Variants in PLSCR2 observed in about 807,000 individuals in gnomAD.
The protein encoded by PLSCR2 is phospholipid scramblase 2.
PLSCR2 carries 18 observed loss-of-function variants against 25.3 expected under a neutral mutation model. The observed-to-expected ratio is 0.71, with a 90% confidence interval of 0.49 to 1.06. PLSCR2 has a LOEUF of 1.06. PLSCR2 is among the 50% of genes least tolerant of loss of function. PLSCR2 has a pLI of 0.00. For synonymous variants in PLSCR2, 88 were observed against 87.3 expected (o/e 1.01, Z -0.04); for missense variants, 243 against 269.5 (o/e 0.90, Z 0.69).
At chr3:146,474,562 A>G (rs954847305) in intron 1 of PLSCR2, among the ~76,000 whole-genome samples, 1 of 152,010 alleles carries the variant, frequency 6.6e-6, no homozygotes, top group Non-Finnish European at 1.5e-5. Context: ...GGTTGCCCTT[A>G]GTAGTTTTTC....
At chr3:146,391,723 C>A (rs2038088155) in intron 3 of PLSCR2, among the ~76,000 whole-genome samples, 1 of 152,152 alleles carries the variant, frequency 6.6e-6, no homozygotes, top group Non-Finnish European at 1.5e-5. Flanking sequence ...CCATGAGGAA[C>A]CAACTTGCAA....
chr3:146,392,861 T>C (rs896452976), intron 3 of PLSCR2, among the ~76,000 whole-genome samples: 9 of 150,382 alleles, frequency 6.0e-5, no homozygotes, highest in East Asian at 5.8e-4. Context: ...TTTTTTTTTT[T>C]CCTAACTTTA....
At chr3:146,467,049 TTAAC>T (rs780362850) in intron 1 of PLSCR2, among the ~76,000 whole-genome samples, 11 of 152,196 alleles carry the variant, frequency 7.2e-5, no homozygotes, top group South Asian at 4.1e-4. Context: ...TTACTACTGA[TTAAC>T]TAAAGTGCTT....
chr3:146,424,002 T>C (rs191938107), intron 2 of PLSCR2, among the ~76,000 whole-genome samples: 2 of 152,162 alleles, frequency 1.3e-5, no homozygotes, highest in Admixed American at 6.6e-5. Flanking sequence ...GATCTGGATG[T>C]TGGAAGTTCA....
intron 8 of PLSCR2, among the ~76,000 whole-genome samples, 156 bp from the exon 8 acceptor site, chr3:146,433,673 C>T (rs941885221): frequency 1.3e-5 from 2 of 152,276 alleles, no homozygotes; most frequent in Middle Eastern, 3.4e-3. Context: ...CATACAAATA[C>T]CTCCACTTGA....
At chr3:146,478,575 C>A (rs747260743) in intron 1 of PLSCR2, among the ~76,000 whole-genome samples, 5 of 152,038 alleles carry the variant, frequency 3.3e-5, no homozygotes, top group Non-Finnish European at 5.9e-5. Context: ...AAAAAGCCTC[C>A]AAGAAATATG....
At chr3:146,493,718 A>G (rs970533661) in intron 1 of PLSCR2, among the ~76,000 whole-genome samples, 1 of 147,364 alleles carries the variant, frequency 6.8e-6, no homozygotes, top group African/African-American at 2.5e-5. Flanking sequence ...TATTCTGTTT[A>G]TAGCATTTCG....
intron 8 of PLSCR2, among the ~76,000 whole-genome samples, chr3:146,434,648 T>C (rs568798109): frequency 6.6e-6 from 1 of 152,122 alleles, no homozygotes; most frequent in East Asian, 1.9e-4. Context: ...TAAGAACAAA[T>C]GGAAACAAAT....
chr3:146,440,540 G>A (rs748224791), downstream of PLSCR2, among the ~76,000 whole-genome samples: 4 of 152,188 alleles, frequency 2.6e-5, no homozygotes, highest in African/African-American at 4.8e-5. Flanking sequence ...TGCTAGCAGC[G>A]AGCGAGGCTC....
chr3:146,483,009 G>T (rs774282574), intron 1 of PLSCR2, among the ~76,000 whole-genome samples: 17 of 151,724 alleles, frequency 1.1e-4, no homozygotes, highest in Non-Finnish European at 2.2e-4. Context: ...TGGAAGTTCT[G>T]GCCAGGGCAA....
chr3:146,471,433 T>C (rs1035248998), intron 1 of PLSCR2, among the ~76,000 whole-genome samples: 1 of 152,220 alleles, frequency 6.6e-6, no homozygotes, highest in African/African-American at 2.4e-5. Context: ...CTAATTATTT[T>C]ACAGTTTTAT....
At chr3:146,484,550 G>T (rs184721069) in intron 1 of PLSCR2, among the ~76,000 whole-genome samples, 191 of 152,204 alleles carry the variant, frequency 1.3e-3, no homozygotes, top group African/African-American at 4.4e-3. Flanking sequence ...GAAAGGCCTG[G>T]TTTCCTACAA....
intron 1 of PLSCR2, among the ~76,000 whole-genome samples, chr3:146,467,736 G>A (rs1017098499): frequency 1.3e-5 from 2 of 152,014 alleles, no homozygotes; most frequent in African/African-American, 4.8e-5. Flanking sequence ...TTTAGTTGGA[G>A]TAGTGGTGGC....
downstream of PLSCR2, among the ~76,000 whole-genome samples, chr3:146,429,444 A>G (rs185576658): frequency 1.2e-4 from 19 of 152,214 alleles, no homozygotes; most frequent in East Asian, 3.7e-3. Context: ...CCTTAGAAAA[A>G]AGAACTTAGC....
chr3:146,483,509 A>ATACATGTGTATATATATATATATATAT (rs1553791539), intron 1 of PLSCR2, among the ~76,000 whole-genome samples: 1 of 127,074 alleles, frequency 7.9e-6, no homozygotes, highest in Non-Finnish European at 1.7e-5. Context: ...ATATATATAT[A>ATACATGTGTATATATATATATATATAT]ATGTTACTAC....
downstream of PLSCR2, among the ~76,000 whole-genome samples, chr3:146,430,335 A>G (rs2039503347): frequency 6.6e-6 from 1 of 152,154 alleles, no homozygotes; most frequent in South Asian, 2.1e-4. Context: ...ACAGGGAGAA[A>G]CACAGGGCTT....
intron 3 of PLSCR2, among the ~76,000 whole-genome samples, chr3:146,394,543 G>C (rs901027314): frequency 6.6e-6 from 1 of 152,126 alleles, no homozygotes; most frequent in Admixed American, 6.5e-5. Context: ...TGGGATTAAA[G>C]GTGTCAGCCA....
chr3:146,489,448 G>A (rs1166669378), intron 1 of PLSCR2, among the ~76,000 whole-genome samples: 1 of 152,238 alleles, frequency 6.6e-6, no homozygotes. Flanking sequence ...TTGTAGACCA[G>A]TAAAATGGCA....
At position 146,452,242 on chromosome 3, in the gene PLSCR2, A is replaced by G. The variant is rs147965887; in HGVS notation, c.483+1760T>C. Among the ~76,000 whole-genome samples the G allele has an allele frequency of 6.6e-3, 1,003 of 152,298 alleles. 17 individuals carry two copies. The highest frequency in any genetic ancestry group is 0.023 in the African/African-American group (965 of 41,570). The stretch of plus-strand genomic sequence containing the variant: ...GAGAATTGGTTGACATGGAGAAAAA[A>G]TATCCACACATTTGGTATCAGAAGT... On this transcript the variant is annotated intron_variant, in intron 5 of 6. Coordinates refer to ENST00000610787, the Ensembl canonical transcript of PLSCR2.
Sources: allele counts gnomAD v4.1 joint callset (sites outside exome capture counted in the v4.1 genomes callset), GRCh38; gene constraint gnomAD v4.1.1; transcripts MANE v1.5; gene names NCBI Gene and HGNC (gene_info 2026-07-23, HGNC 2026-07-21).